MYO9A: variants seen among roughly 807,000 people sequenced by gnomAD.
The protein encoded by MYO9A is unconventional myosin-IXa.
MYO9A carries 103 observed loss-of-function variants against 293.3 expected under a neutral mutation model. The observed-to-expected ratio is 0.35, with a 90% confidence interval of 0.30 to 0.41. The LOEUF is 0.41. Ranked by LOEUF, MYO9A falls within the 10% of genes least tolerant of loss-of-function variation. The probability of loss-of-function intolerance (pLI) is 1.00; values close to 1 mark genes in which losing one functional copy is unlikely to be tolerated. For missense variants in MYO9A, 2,685 were observed against 3,033.0 expected (o/e 0.89, Z 2.69); for synonymous variants, 1,001 against 1,035.7 (o/e 0.97, Z 0.64).
intron 4 of MYO9A, among the ~76,000 whole-genome samples, chr15:72,022,453 G>A (rs905281399): frequency 3.9e-5 from 6 of 151,990 alleles, no homozygotes; most frequent in Non-Finnish European, 4.4e-5. Flanking sequence ...CCCAGGAGGC[G>A]GAGGTTGCAG....
chr15:71,885,392 CTGTT>C (rs1414738709), intron 27 of MYO9A, among the ~76,000 whole-genome samples: 3 of 151,998 alleles, frequency 2.0e-5, no homozygotes, highest in African/African-American at 7.2e-5. Flanking sequence ...CTCATGAAAA[CTGTT>C]TGATTTTTCA....
intron 16 of MYO9A, among the ~76,000 whole-genome samples, chr15:71,937,105 GAA>G (rs2058663247): frequency 6.6e-6 from 1 of 152,010 alleles, no homozygotes; most frequent in South Asian, 2.1e-4. Flanking sequence ...AAGATACTGT[GAA>G]AAGTGTTGAA....
At chr15:71,840,348 G>A (rs1210344876) in intron 39 of MYO9A, among the ~76,000 whole-genome samples, 1 of 152,126 alleles carries the variant, frequency 6.6e-6, no homozygotes, top group Non-Finnish European at 1.5e-5. Flanking sequence ...ATGGTTGTGT[G>A]GACTGCTGCA....
Position 71,983,507 on chromosome 15 carries a change from C to A in MYO9A, c.1723-5215G>T, listed in dbSNP as rs554404874. On this transcript the variant is annotated intron_variant, in intron 11 of 41. Transcript: ENST00000356056. The stretch of plus-strand genomic sequence containing the variant: ...TTTTTTTTTTTTTGAGATGGAGTCT[C>A]GCTCTGTCACCCAGGATGGAGTGCA... Among the ~76,000 whole-genome samples the A allele has an allele frequency of 4.7e-5, 5 of 107,210 alleles. No individual in the cohort carries two copies. In the East Asian group the frequency reaches 1.1e-3, roughly 24 times the overall value. The allele number at this position is 107,210 out of a possible 152,430, so 70.3% of individuals were successfully genotyped here.
At chr15:71,873,729 T>G (rs1221504502) in intron 32 of MYO9A, among the ~76,000 whole-genome samples, 1 of 152,382 alleles carries the variant, frequency 6.6e-6, no homozygotes. Flanking sequence ...ATTGCACTTA[T>G]TACAGTTCCT....
intron 18 of MYO9A, among the ~76,000 whole-genome samples, chr15:71,922,004 G>C (rs1596197082): frequency 6.6e-6 from 1 of 151,828 alleles, no homozygotes; most frequent in Admixed American, 6.6e-5. Flanking sequence ...TGAGCATGGA[G>C]TCTCACTCTG....
intron 9 of MYO9A, among the ~76,000 whole-genome samples, chr15:71,997,453 A>G (rs377738005): frequency 1.5e-3 from 222 of 152,240 alleles, no homozygotes; most frequent in African/African-American, 4.7e-3. Flanking sequence ...ACCAAAAATT[A>G]GCTGGGCATG....
intron 28 of MYO9A, among the ~76,000 whole-genome samples, chr15:71,882,710 C>T (rs1033843749): frequency 6.6e-6 from 1 of 152,214 alleles, no homozygotes; most frequent in Non-Finnish European, 1.5e-5. Flanking sequence ...TAATATACAA[C>T]ACAGTGGTTA....
intron 32 of MYO9A, among the ~76,000 whole-genome samples, chr15:71,864,366 T>G (rs1410073042): frequency 6.6e-6 from 1 of 152,162 alleles, no homozygotes; most frequent in Non-Finnish European, 1.5e-5. Flanking sequence ...ACTAGAACCC[T>G]CAGGTACTGC....
chr15:72,084,816 G>A (rs1437015961), intron 1 of MYO9A, among the ~76,000 whole-genome samples: 2 of 152,156 alleles, frequency 1.3e-5, no homozygotes, highest in Non-Finnish European at 2.9e-5. Flanking sequence ...TAGAGTTTCT[G>A]CTGAGAGGTC....
chr15:71,938,875 A>G lies in MYO9A; in HGVS notation c.2355T>C (p.Asn785=), dbSNP rs2058700786. Residue 785 remains asparagine, a synonymous_variant, in exon 16 of 42, where the codon AAT becomes AAC. Transcript: ENST00000356056. ...ACTGTTGGTTTTTTTCATTTAGAGC[A>G]TTCATGCCCTGGAGATCAGAAAGAG... ...RTPLSDLQGM[N]ALNEKNQHDT... is the part of the protein sequence containing the mutation. 6.2e-7 allele frequency: 1 copy of G among 1,610,558 alleles called. No individual in the cohort carries two copies. Among genetic ancestry groups the G allele is most frequent in the Non-Finnish European group, 8.5e-7 (1 of 1,178,524 alleles).
chr15:72,015,844 C>T (rs1056855079), intron 6 of MYO9A, among the ~76,000 whole-genome samples: 1 of 151,930 alleles, frequency 6.6e-6, no homozygotes. Context: ...CCCGCCACCA[C>T]ATCCAGCTAA....
At chr15:72,009,914 CTT>C (rs1162968516) in intron 7 of MYO9A, among the ~76,000 whole-genome samples, 5 of 151,778 alleles carry the variant, frequency 3.3e-5, no homozygotes, top group Non-Finnish European at 4.4e-5. Flanking sequence ...AATTAAAAAA[CTT>C]AATAGTATAG....
intron 18 of MYO9A, 66 bp downstream of exon 18, chr15:71,933,604 G>A: frequency 7.3e-7 from 1 of 1,370,308 alleles, no homozygotes; most frequent in Non-Finnish European, 1.0e-6. Flanking sequence ...TATGAAGATT[G>A]TATGAGTAAT....
intron 27 of MYO9A, among the ~76,000 whole-genome samples, chr15:71,886,196 A>T (rs1336687154): frequency 8.0e-5 from 1 of 12,508 alleles, no homozygotes; most frequent in Non-Finnish European, 1.5e-3. Context: ...AAGTAGGGTA[A>T]AAAAAAAAAA....
At chr15:71,981,582 T>A (rs2076272245) in intron 11 of MYO9A, among the ~76,000 whole-genome samples, 1 of 152,132 alleles carries the variant, frequency 6.6e-6, no homozygotes, top group Non-Finnish European at 1.5e-5. Flanking sequence ...ATGTGTAGGA[T>A]CCAGAGTAAT....
Position 72,032,482 on chromosome 15 carries a change from A to G in MYO9A, c.935+12T>C. 1 of 1,533,388 alleles carries G rather than the reference A, an allele frequency of 6.5e-7. No homozygotes were observed. The highest frequency in any genetic ancestry group is 1.4e-5 in the African/African-American group (1 of 71,520). The allele number at this position is 1,533,388 out of a possible 1,614,324, so 95.0% of individuals were successfully genotyped here. A position where few individuals can be genotyped will look rare whatever the true frequency, so the allele number is the denominator to read the frequency against. ...GCTCCAAAGCCTACGCCTGCTAAGTAGCAGTACTTACCCAAGTACAGTGCC... is the reference window on the plus strand; with the variant it reads ...GCTCCAAAGCCTACGCCTGCTAAGTGGCAGTACTTACCCAAGTACAGTGCC... On this transcript the variant is annotated intron_variant, in intron 3 of 41. Transcript: ENST00000356056.
At position 71,901,356 on chromosome 15, in the gene MYO9A, A is replaced by T; in HGVS notation, c.3001-16T>A. Reference sequence around the variant, plus strand: ...TTAGAAAGACCTACCAAAAGGAAGAAAGATGAGGAATGCAGCTTAAGAAGA... The same window carrying T: ...TTAGAAAGACCTACCAAAAGGAAGATAGATGAGGAATGCAGCTTAAGAAGA... On this transcript the variant is annotated splice_polypyrimidine_tract_variant and intron_variant, in intron 22 of 41. Transcript: ENST00000356056. 1 of 1,603,264 alleles carries T rather than the reference A, an allele frequency of 6.2e-7. No homozygotes were observed. Among genetic ancestry groups the T allele is most frequent in the Non-Finnish European group, 8.5e-7 (1 of 1,176,288 alleles).
intron 39 of MYO9A, among the ~76,000 whole-genome samples, chr15:71,830,537 G>C (rs1254447991): frequency 1.3e-5 from 2 of 152,214 alleles, no homozygotes; most frequent in Non-Finnish European, 2.9e-5. Context: ...GTAGGTGGGA[G>C]TGTAAGAACC....
Sources: gnomAD v4.1 joint callset for allele counts (sites outside exome capture counted in the v4.1 genomes callset) on GRCh38, gnomAD v4.1.1 for gene constraint, MANE v1.5 for transcripts, NCBI Gene and HGNC (gene_info 2026-07-23, HGNC 2026-07-21) for gene names.